Variants in CREBL2 observed in about 807,000 individuals in gnomAD.
CREBL2 encodes cAMP responsive element binding protein like 2, also known as cAMP-responsive element-binding protein-like 2.
Under a neutral mutation model 19.5 loss-of-function variants are expected in CREBL2, and 4 were observed. The ratio of observed to expected loss-of-function variants is 0.20; its 90% CI spans 0.10 to 0.47. The LOEUF (loss-of-function observed/expected upper bound fraction) is 0.47, where lower values mean the gene tolerates loss of function less well. Ranked by LOEUF, CREBL2 falls within the 20% of genes least tolerant of loss-of-function variation. The pLI, the probability that CREBL2 is intolerant of heterozygous loss-of-function variation, is 0.98. For missense variants in CREBL2, 85 were observed against 145.1 expected, an observed-to-expected ratio of 0.59 and a Z score of 2.13; for synonymous variants, 42 against 46.6, an observed-to-expected ratio of 0.90 and a Z score of 0.40.
chr12:12,627,279 GA>G (rs1350082645), intron 1 of CREBL2, among the ~76,000 whole-genome samples: 1 of 152,042 alleles, frequency 6.6e-6, no homozygotes, highest in Non-Finnish European at 1.5e-5. Flanking sequence ...GTGGAGAGGG[GA>G]TAGTATAGGA....
At chr12:12,632,198 C>T (rs1945447180) in intron 1 of CREBL2, among the ~76,000 whole-genome samples, 1 of 148,282 alleles carries the variant, frequency 6.7e-6, no homozygotes, top group African/African-American at 2.5e-5. Flanking sequence ...CTGCCTCAGC[C>T]TCCCAAGTAG....
chr12:12,623,909 G>A (rs1002448200), intron 1 of CREBL2, among the ~76,000 whole-genome samples: 10 of 152,280 alleles, frequency 6.6e-5, no homozygotes, highest in South Asian at 2.1e-4. Context: ...AGGAAGCAGC[G>A]TGACCACTGA....
chr12:12,642,025 T>C lies in CREBL2; in HGVS notation c.*27T>C, dbSNP rs759148992. The C allele has an allele frequency of 6.4e-7, 1 of 1,554,500 alleles. No individual in the cohort carries two copies. Among genetic ancestry groups the C allele is most frequent in the Admixed American group, 1.7e-5 (1 of 57,380 alleles). Reference sequence around the variant, plus strand: ...GATTATATAAAGATGAGTCAGTGATTGAAGCCAATATTCTGATTCCCATGG... The same window carrying C: ...GATTATATAAAGATGAGTCAGTGATCGAAGCCAATATTCTGATTCCCATGG... On this transcript the variant is annotated 3_prime_UTR_variant, in exon 4 of 4. Coordinates refer to ENST00000228865, the MANE Select transcript of CREBL2 (RefSeq NM_001310.4).
At chr12:12,631,088 C>G (rs1394119300) in intron 1 of CREBL2, among the ~76,000 whole-genome samples, 1 of 152,166 alleles carries the variant, frequency 6.6e-6, no homozygotes, top group Non-Finnish European at 1.5e-5. Flanking sequence ...AAATTGGGAC[C>G]TTTAGTCTTG....
intron 1 of CREBL2, among the ~76,000 whole-genome samples, chr12:12,634,613 C>T (rs1343032592): frequency 1.3e-5 from 2 of 152,152 alleles, no homozygotes; most frequent in Non-Finnish European, 2.9e-5. Flanking sequence ...TTTATAATTA[C>T]ACCTATCAGA....
Position 12,635,562 on chromosome 12 carries a change from A to G in CREBL2, c.16-215A>G, listed in dbSNP as rs149127010. ...ATTATCAAATAAATAATAAAAATGT[A>G]TATTATTTCTTCTTTCACATTCATG... On this transcript the variant is annotated intron_variant, in intron 1 of 3. Transcript: ENST00000228865. 3.8e-4 allele frequency among the ~76,000 whole-genome samples: 58 copies of G among 152,308 alleles called. No homozygotes were observed. In the East Asian group the frequency reaches 9.2e-3, roughly 24 times the overall value.
chr12:12,637,618 A>G lies in CREBL2; in HGVS notation c.262A>G (p.Ile88Val). ...AMDQGKIPSE[I>V]KALLTGEEQN... ...GGACCAAGGAAAAATCCCTTCTGAAATAAAGGCCCTACTCACTGGAGAAGA... is the reference window on the plus strand; with the variant it reads ...GGACCAAGGAAAAATCCCTTCTGAAGTAAAGGCCCTACTCACTGGAGAAGA... The change falls in exon 3 of 4, where the codon ATA becomes GTA. Residue 88 changes from isoleucine to valine, a missense_variant. Physicochemically the swap from Ile to Val is conservative, Grantham distance 29 (BLOSUM62 3). This residue lies in a region of CREBL2 where 42 missense variants were observed against 38.4 expected (regional missense o/e 1.09). Transcript: ENST00000228865. 6.2e-7 allele frequency: 1 copy of G among 1,611,058 alleles called. No homozygotes were observed. The highest frequency in any genetic ancestry group is 1.3e-5 in the African/African-American group (1 of 75,024).
At position 12,643,881 on chromosome 12, in the gene CREBL2, A is replaced by G. The variant is rs913573897; in HGVS notation, c.*1883A>G. The G allele has an allele frequency of 6.6e-6, 1 of 152,652 alleles. No individual in the cohort carries two copies. Among genetic ancestry groups the G allele is most frequent in the Non-Finnish European group, 1.5e-5 (1 of 68,040 alleles). The allele number at this position is 152,652 out of a possible 1,614,324, so 9.5% of individuals were successfully genotyped here. On this transcript the variant is annotated 3_prime_UTR_variant, in exon 4 of 4. Transcript: ENST00000228865. ...AGATTGTAATTGGTATGTTTTTGCC[A>G]TCTGGTCCACTCAATTGTATATTTT...
intron 1 of CREBL2, among the ~76,000 whole-genome samples, chr12:12,634,577 A>C (rs910943453): frequency 6.6e-6 from 1 of 152,240 alleles, no homozygotes; most frequent in Non-Finnish European, 1.5e-5. Flanking sequence ...TTTGAAAATC[A>C]TAAAAATATA....
At chr12:12,640,569 G>A (rs1451395163) in intron 3 of CREBL2, among the ~76,000 whole-genome samples, 2 of 152,166 alleles carry the variant, frequency 1.3e-5, no homozygotes, top group Non-Finnish European at 2.9e-5. Flanking sequence ...GTCCTGAGGT[G>A]ACATACATCC....
intron 1 of CREBL2, among the ~76,000 whole-genome samples, chr12:12,626,340 A>G (rs1945401716): frequency 6.6e-6 from 1 of 152,198 alleles, no homozygotes. Context: ...GTAATGGTTA[A>G]TTATAGAATT....
chr12:12,620,520 A>T (rs1945351431), intron 1 of CREBL2, among the ~76,000 whole-genome samples: 1 of 152,154 alleles, frequency 6.6e-6, no homozygotes, highest in Non-Finnish European at 1.5e-5. Flanking sequence ...ATGAGCCACC[A>T]TGCCCGGCCG....
chr12:12,641,786 T>C (rs1945524303), intron 3 of CREBL2, among the ~76,000 whole-genome samples: 1 of 152,166 alleles, frequency 6.6e-6, no homozygotes. Context: ...CAAAAGCTAC[T>C]GAAATGTTTA....
chr12:12,637,438 C>A, intron 2 of CREBL2, 132 bp from the exon 3 acceptor site: 1 of 430,610 alleles, frequency 2.3e-6, no homozygotes, highest in Non-Finnish European at 3.5e-6. Context: ...TTCCCAGCAG[C>A]GAACGTGACC....
chr12:12,635,953 C>T lies in CREBL2; in HGVS notation c.192C>T (p.Ala64=). 1 of 1,613,734 alleles carries T rather than the reference C, an allele frequency of 6.2e-7. No individual in the cohort carries two copies. Among genetic ancestry groups the T allele is most frequent in the South Asian group, 1.1e-5 (1 of 90,954 alleles). Residue 64 remains alanine (A), a synonymous_variant, in exon 2 of 4, where the codon GCC becomes GCT. Transcript: ENST00000228865. ...LVSSRERAIC[A]LREELEMYKQ... ...CCAGTCGAGAAAGAGCTATATGTGC[C>T]CTCAGAGAGGAACTGGAAATGGTAA...
chr12:12,623,327 T>C (rs1272392839), intron 1 of CREBL2, among the ~76,000 whole-genome samples: 4 of 151,674 alleles, frequency 2.6e-5, no homozygotes, highest in Non-Finnish European at 5.9e-5. Flanking sequence ...CTTGGGGAGA[T>C]AGAAAAATGT....
At chr12:12,618,035 A>G (rs1312162811) in intron 1 of CREBL2, among the ~76,000 whole-genome samples, 1 of 152,200 alleles carries the variant, frequency 6.6e-6, no homozygotes, top group Non-Finnish European at 1.5e-5. Context: ...TCTTCTTAGT[A>G]CAGAACAAAA....
Position 12,622,639 on chromosome 12 carries a change from C to T in CREBL2, c.15+10452C>T, listed in dbSNP as rs560749081. ...CTAGAAAAACTGGCAGAAAGGTTAG[C>T]AGCAGGAAGATGTGAGTAGACTTTG... On this transcript the variant is annotated intron_variant, in intron 1 of 3. Coordinates refer to ENST00000228865, the MANE Select transcript of CREBL2 (RefSeq NM_001310.4). Among the ~76,000 whole-genome samples the T allele has an allele frequency of 3.5e-4, 54 of 152,316 alleles. No homozygotes were observed. The Middle Eastern group carries it at 0.01, about 29-fold the overall frequency.
At chr12:12,635,648 G>A (rs1392368884) in intron 1 of CREBL2, 129 bp from the exon 2 acceptor site, 2 of 1,070,944 alleles carry the variant, frequency 1.9e-6, no homozygotes, top group African/African-American at 1.6e-5. Flanking sequence ...ATGGGATTAT[G>A]CTTTCTTAGT....
Sources: gnomAD v4.1 joint callset for allele counts (sites outside exome capture counted in the v4.1 genomes callset) on GRCh38, gnomAD v4.1.1 for gene constraint, gnomAD v4.1.1 regional missense constraint, MANE v1.5 for transcripts, NCBI Gene and HGNC (gene_info 2026-07-23, HGNC 2026-07-21) for gene names.